Variants in MFHAS1 observed in about 807,000 individuals in gnomAD.
MFHAS1 encodes multifunctional ROCO family signaling regulator 1, also known as malignant fibrous histiocytoma-amplified sequence 1.
A neutral mutation model predicts 70.4 loss-of-function variants in MFHAS1; 50 were observed. That is an observed-to-expected ratio of 0.71 (90% CI 0.57 to 0.90). MFHAS1 has a LOEUF of 0.90. MFHAS1 is among the 40% of genes least tolerant of loss of function. The pLI is 0.00. For synonymous variants in MFHAS1, 952 were observed against 620.0 expected (o/e 1.54, Z -7.96); for missense variants, 1,795 against 1,347.6 (o/e 1.33, Z -5.20).
intron 1 of MFHAS1, among the ~76,000 whole-genome samples, chr8:8,869,825 A>G (rs1563213084): frequency 6.6e-6 from 1 of 152,216 alleles, no homozygotes; most frequent in East Asian, 1.9e-4. Flanking sequence ...GCTCAGAGCT[A>G]GGAGGAGAGA....
intron 1 of MFHAS1, among the ~76,000 whole-genome samples, chr8:8,824,645 C>T: frequency 6.6e-6 from 1 of 152,072 alleles, no homozygotes; most frequent in East Asian, 1.9e-4. Context: ...ACATAAGATC[C>T]TGCCCTCAAA....
At chr8:8,866,413 G>C (rs4841057) in intron 1 of MFHAS1, among the ~76,000 whole-genome samples, 3,525 of 151,440 alleles carry the variant, frequency 0.023, 85 homozygotes, top group Admixed American at 0.054. Context: ...CTGCCGCCCT[G>C]GCTCAAACAA....
intron 2 of MFHAS1, 39 bp downstream of exon 2, chr8:8,797,326 G>C (rs1264502474): frequency 3.1e-6 from 5 of 1,609,384 alleles, no homozygotes; most frequent in South Asian, 1.1e-5. Context: ...CTGGGATCAG[G>C]AGCCAGGTCC....
At chr8:8,797,844 C>T (rs1311974901) in intron 1 of MFHAS1, among the ~76,000 whole-genome samples, 2 of 152,104 alleles carry the variant, frequency 1.3e-5, no homozygotes, top group African/African-American at 2.4e-5. Context: ...CAGAGCCCAC[C>T]GAAGCAAGGG....
At position 8,797,366 on chromosome 8, in the gene MFHAS1, T is replaced by G. The variant is rs763810619; in HGVS notation, c.3124A>C (p.Lys1042Gln). 6.2e-7 allele frequency: 1 copy of G among 1,613,800 alleles called. No homozygotes were observed. The highest frequency in any genetic ancestry group is 2.2e-5 in the East Asian group (1 of 44,850). ...PTPTVISPCSKKNVGEKHRNQ is the reference protein window; with the variant it reads ...PTPTVISPCSQKNVGEKHRNQ ...GCCAGAGGGACTTTGAGAACTCACT[T>G]GGAACAGGGGCTGATCACAGTCGGC... Residue 1042 changes from lysine (K) to glutamine (Q), a missense_variant and splice_region_variant, in exon 2 of 3, where the codon AAG (lysine) becomes CAG (glutamine). Physicochemically the swap from Lys to Gln is moderately conservative, Grantham distance 53. Transcript: ENST00000276282.
At chr8:8,816,066 A>C (rs1040917429) in intron 1 of MFHAS1, among the ~76,000 whole-genome samples, 3 of 152,196 alleles carry the variant, frequency 2.0e-5, no homozygotes, top group African/African-American at 7.2e-5. Context: ...AACAGAGTGC[A>C]TAGTGGATGA....
At chr8:8,825,265 C>A (rs1297015516) in intron 1 of MFHAS1, among the ~76,000 whole-genome samples, 1 of 152,166 alleles carries the variant, frequency 6.6e-6, no homozygotes, top group Admixed American at 6.5e-5. Context: ...CTCCGCCTCC[C>A]GGGTTCAAGG....
At chr8:8,803,705 C>T (rs754446626) in intron 1 of MFHAS1, among the ~76,000 whole-genome samples, 3 of 151,832 alleles carry the variant, frequency 2.0e-5, no homozygotes, top group Non-Finnish European at 4.4e-5. Flanking sequence ...GGAGCAGTGG[C>T]TCACACCTGT....
chr8:8,831,649 G>A (rs1051338550), intron 1 of MFHAS1, among the ~76,000 whole-genome samples: 5 of 148,402 alleles, frequency 3.4e-5, no homozygotes, highest in Admixed American at 6.7e-5. Flanking sequence ...AGTCTCACTC[G>A]GTCGCCCAGG....
chr8:8,825,248 C>T (rs557066035), intron 1 of MFHAS1, among the ~76,000 whole-genome samples: 6 of 152,360 alleles, frequency 3.9e-5, no homozygotes, highest in African/African-American at 1.4e-4. Context: ...TCTCTGCTCA[C>T]TGCAACCTCC....
At chr8:8,880,684 G>GT (rs869117025) in intron 1 of MFHAS1, among the ~76,000 whole-genome samples, 191 of 114,800 alleles carry the variant, frequency 1.7e-3, no homozygotes, top group East Asian at 1.4e-3. Flanking sequence ...TTCCTTTTTT[G>GT]TTTTTTTTTT....
intron 1 of MFHAS1, among the ~76,000 whole-genome samples, chr8:8,868,893 G>T (rs1259439607): frequency 2.0e-5 from 3 of 152,158 alleles, no homozygotes; most frequent in African/African-American, 7.2e-5. Flanking sequence ...GGAAAAAAAA[G>T]ACATTCTCTG....
At chr8:8,889,718 C>T (rs779963769) in intron 1 of MFHAS1, among the ~76,000 whole-genome samples, 15 of 152,234 alleles carry the variant, frequency 9.9e-5, no homozygotes, top group Non-Finnish European at 1.9e-4. Context: ...AAGAGGCTAA[C>T]ATCGGACACT....
intron 1 of MFHAS1, among the ~76,000 whole-genome samples, chr8:8,824,550 C>G (rs1005830200): frequency 1.8e-5 from 1 of 54,198 alleles, no homozygotes; most frequent in South Asian, 8.9e-4. Context: ...CACACACACA[C>G]ACACACACAC....
chr8:8,866,475 C>G (rs541842962), intron 1 of MFHAS1, among the ~76,000 whole-genome samples: 169 of 152,222 alleles, frequency 1.1e-3, no homozygotes, highest in Middle Eastern at 6.8e-3. Flanking sequence ...TGCACCACCA[C>G]GCCCAGCTAA....
At chr8:8,807,221 G>C (rs1431786535) in intron 1 of MFHAS1, among the ~76,000 whole-genome samples, 1 of 152,014 alleles carries the variant, frequency 6.6e-6, no homozygotes, top group African/African-American at 2.4e-5. Flanking sequence ...CTCACCAAAA[G>C]AAACATAAAT....
At chr8:8,840,461 CAAAAAAAA>C (rs141909980) in intron 1 of MFHAS1, among the ~76,000 whole-genome samples, 1,057 of 82,128 alleles carry the variant, frequency 0.013, 21 homozygotes, top group African/African-American at 0.042. Flanking sequence ...CATCTCAATA[CAAAAAAAA>C]AAAAAAAAAA....
chr8:8,871,987 C>A (rs1809091783), intron 1 of MFHAS1, among the ~76,000 whole-genome samples: 1 of 152,126 alleles, frequency 6.6e-6, no homozygotes. Flanking sequence ...AAAATCTGCC[C>A]CATTCCAGAA....
chr8:8,876,431 G>T (rs576663761), intron 1 of MFHAS1, among the ~76,000 whole-genome samples: 2 of 152,182 alleles, frequency 1.3e-5, no homozygotes, highest in African/African-American at 4.8e-5. Context: ...ATGATGATAA[G>T]ATGCAAGAAA....
Sources: allele counts gnomAD v4.1 joint callset (sites outside exome capture counted in the v4.1 genomes callset), GRCh38; gene constraint gnomAD v4.1.1; transcripts MANE v1.5; gene names NCBI Gene and HGNC (gene_info 2026-07-23, HGNC 2026-07-21).